The following FREM2 variants were observed in gnomAD, a reference collection of about 807,000 sequenced individuals.
The protein encoded by FREM2 is FRAS1-related extracellular matrix protein 2.
Under a neutral mutation model 219.9 loss-of-function variants are expected in FREM2, and 119 were observed. The observed-to-expected ratio is 0.54, with a 90% CI of 0.47 to 0.63. The LOEUF (loss-of-function observed/expected upper bound fraction) is 0.63. Ranked by LOEUF, FREM2 falls within the 30% of genes least tolerant of loss-of-function variation. The pLI is 0.00. For synonymous variants in FREM2, 1,562 were observed against 1,522.8 expected (o/e 1.03, Z -0.60); for missense variants, 4,030 against 3,993.6 (o/e 1.01, Z -0.25).
chr13:38,883,681 G>A lies in FREM2; in HGVS notation c.*2894G>A, dbSNP rs1453126485. 1.3e-5 allele frequency: 2 copies of A among 152,044 alleles called. No individual in the cohort carries two copies. Among genetic ancestry groups the A allele is most frequent in the African/African-American group, 4.8e-5 (2 of 41,384 alleles). 9.4% of individuals were successfully genotyped at this position (152,044 alleles called of 1,614,324 possible). ...AACCAAGCTCCACTTGCTGTCCTTG[G>A]GAAGGTTATAACTGAATGCAGCTCT... On this transcript the variant is annotated 3_prime_UTR_variant, in exon 24 of 24. Transcript: ENST00000280481.
chr13:38,826,085 A>AGAG (rs1876272873), intron 6 of FREM2, among the ~76,000 whole-genome samples: 1 of 152,116 alleles, frequency 6.6e-6, no homozygotes, highest in African/African-American at 2.4e-5. Flanking sequence ...TTTTTCCTTG[A>AGAG]GAGGAAGCAC....
At chr13:38,764,609 A>T (rs576202299) in intron 3 of FREM2, among the ~76,000 whole-genome samples, 159 bp downstream of exon 3, 1 of 152,354 alleles carries the variant, frequency 6.6e-6, no homozygotes, top group Non-Finnish European at 1.5e-5. Context: ...GTTTGTGTCA[A>T]GGTACTTATC....
At chr13:38,788,147 A>T (rs1158822560) in intron 6 of FREM2, among the ~76,000 whole-genome samples, 1 of 152,150 alleles carries the variant, frequency 6.6e-6, no homozygotes, top group East Asian at 1.9e-4. Context: ...AAATAGCACT[A>T]GCAAAATAAA....
chr13:38,755,601 T>A, intron 2 of FREM2, among the ~76,000 whole-genome samples: 1 of 152,142 alleles, frequency 6.6e-6, no homozygotes, highest in East Asian at 1.9e-4. Context: ...ATGATTAAAC[T>A]TTTCTATAGA....
At chr13:38,727,804 C>A (rs1871591931) in intron 2 of FREM2, among the ~76,000 whole-genome samples, 2 of 149,076 alleles carry the variant, frequency 1.3e-5, no homozygotes, top group Non-Finnish European at 2.9e-5. Context: ...TTGCTTCTGG[C>A]AATATTTCAT....
chr13:38,859,613 T>C lies in FREM2; in HGVS notation c.7519+23T>C, dbSNP rs1003589685. Reference sequence around the variant, plus strand: ...AAGGTCAGTCATTGCCATTTTCCCCTGAAGATCACTGGAATACTGTGCAAT... The same window carrying C: ...AAGGTCAGTCATTGCCATTTTCCCCCGAAGATCACTGGAATACTGTGCAAT... On this transcript the variant is annotated intron_variant, in intron 14 of 23. Coordinates refer to ENST00000280481, the MANE Select transcript of FREM2 (RefSeq NM_207361.6). 3 of 1,601,548 alleles carry C rather than the reference T, an allele frequency of 1.9e-6. No homozygotes were observed. The African/African-American group carries it at 4.0e-5, about 21-fold the overall frequency.
intron 6 of FREM2, among the ~76,000 whole-genome samples, chr13:38,844,200 C>T (rs911977891): frequency 2.6e-5 from 4 of 152,214 alleles, no homozygotes; most frequent in African/African-American, 7.2e-5. Flanking sequence ...CAATAGGCAA[C>T]GTAATAATGT....
In FREM2 at chr13:38,874,491, A is replaced by G. The variant is rs1278998994; in HGVS notation, c.8186A>G (p.Tyr2729Cys). 6.8e-6 allele frequency: 11 copies of G among 1,613,772 alleles called. No homozygotes were observed. Among genetic ancestry groups the G allele is most frequent in the African/African-American group, 4.0e-5 (3 of 74,908 alleles). ...PPEAELQGSL[Y>C]PTSMRIGDEG... is the part of the protein sequence containing the mutation. ...ACTCTCCCCATTATAGGTTCTCTCT[A>G]TCCAACCAGCATGCGCATCGGTGAT... is the stretch of plus-strand genomic sequence containing the variant. The change falls in exon 18 of 24, where the codon TAT (tyrosine) becomes TGT (cysteine). Residue 2729 changes from tyrosine to cysteine, a missense_variant. Physicochemically the swap from Tyr to Cys is radical, Grantham distance 194. Around this residue, in one of 2 missense-constraint regions of FREM2, gnomAD observed 928 missense variants for 1,042.9 expected, o/e 0.89. Transcript: ENST00000280481.
At chr13:38,784,396 G>T (rs1236592592) in intron 5 of FREM2, among the ~76,000 whole-genome samples, 161 bp from the exon 6 acceptor site, 1 of 152,200 alleles carries the variant, frequency 6.6e-6, no homozygotes, top group Non-Finnish European at 1.5e-5. Flanking sequence ...CTCTCAAGTT[G>T]ACTCATGATA....
In FREM2 at chr13:38,833,089, A is replaced by G. The variant is rs139268897; in HGVS notation, c.6020-13484A>G. 6.4e-3 allele frequency among the ~76,000 whole-genome samples: 980 copies of G among 152,254 alleles called. 6 individuals are homozygous for G. Among genetic ancestry groups the G allele is most frequent in the African/African-American group, 0.023 (935 of 41,554 alleles). On this transcript the variant is annotated intron_variant, in intron 6 of 23. Coordinates refer to ENST00000280481, the MANE Select transcript of FREM2 (RefSeq NM_207361.6). Reference sequence around the variant, plus strand: ...TCTCTATTAGTGTCTTTTAACTGCCATTGTCCCCAAGAGCAGCATGTCATA... The same window carrying G: ...TCTCTATTAGTGTCTTTTAACTGCCGTTGTCCCCAAGAGCAGCATGTCATA...
In FREM2 at chr13:38,807,188, GTTATAT is replaced by G. The variant is rs1261758176; in HGVS notation, c.6019+22381_6019+22386del. ...ACCTTTTTGCAGAGATCTTGTCTCT[GTTATAT>G]ATATATATATATATATATATATATA... is the stretch of plus-strand genomic sequence containing the variant. On this transcript the variant is annotated intron_variant, in intron 6 of 23. Transcript: ENST00000280481. Among the ~76,000 whole-genome samples the G allele has an allele frequency of 3.4e-3, 223 of 66,406 alleles. 21 individuals carry two copies. Among genetic ancestry groups the G allele is most frequent in the African/African-American group, 5.6e-3 (128 of 22,900 alleles). 43.6% of individuals were successfully genotyped at this position (66,406 alleles called of 152,430 possible). A position where few individuals can be genotyped will look rare whatever the true frequency, so the allele number is the denominator to read the frequency against.
chr13:38,849,452 T>C (rs938653239), intron 8 of FREM2, among the ~76,000 whole-genome samples: 2 of 152,132 alleles, frequency 1.3e-5, no homozygotes, highest in African/African-American at 4.8e-5. Context: ...TTTAATAATG[T>C]GCCAAAAATG....
intron 2 of FREM2, among the ~76,000 whole-genome samples, chr13:38,714,443 TTG>T (rs900302563): frequency 6.6e-6 from 1 of 152,190 alleles, no homozygotes; most frequent in African/African-American, 2.4e-5. Flanking sequence ...TGTATAAAAG[TTG>T]TGAGACTGAG....
chr13:38,702,889 T>C (rs980446963), intron 2 of FREM2, among the ~76,000 whole-genome samples: 5 of 152,088 alleles, frequency 3.3e-5, no homozygotes, highest in Admixed American at 1.3e-4. Context: ...CAGCCAGACA[T>C]TTTTTTGCTG....
intron 2 of FREM2, among the ~76,000 whole-genome samples, chr13:38,729,345 C>G (rs1316914535): frequency 6.6e-6 from 1 of 152,058 alleles, no homozygotes; most frequent in Non-Finnish European, 1.5e-5. Context: ...TGAGATAACA[C>G]AATAAGAACT....
intron 6 of FREM2, among the ~76,000 whole-genome samples, chr13:38,807,194 T>TATATATATATAC (rs1875270453): frequency 1.3e-5 from 1 of 77,840 alleles, no homozygotes; most frequent in African/African-American, 6.7e-5. Flanking sequence ...CTCTGTTATA[T>TATATATATATAC]ATATATATAT....
At chr13:38,763,298 T>C (rs1873303974) in intron 2 of FREM2, among the ~76,000 whole-genome samples, 1 of 152,184 alleles carries the variant, frequency 6.6e-6, no homozygotes, top group African/African-American at 2.4e-5. Context: ...CAAAGATGAA[T>C]GTATTTTCAT....
At chr13:38,725,019 A>G (rs1227933181) in intron 2 of FREM2, among the ~76,000 whole-genome samples, 2 of 152,222 alleles carry the variant, frequency 1.3e-5, no homozygotes, top group African/African-American at 4.8e-5. Flanking sequence ...AATGTAAATT[A>G]TATTTGTTTT....
At chr13:38,845,688 A>G (rs2137905671) in intron 6 of FREM2, among the ~76,000 whole-genome samples, 1 of 152,220 alleles carries the variant, frequency 6.6e-6, no homozygotes, top group Admixed American at 6.5e-5. Flanking sequence ...ATTTTTTTTT[A>G]CAGTAAGATC....
Sources: gnomAD v4.1 joint callset for allele counts (sites outside exome capture counted in the v4.1 genomes callset) on GRCh38, gnomAD v4.1.1 for gene constraint, gnomAD v4.1.1 regional missense constraint, MANE v1.5 for transcripts, NCBI Gene and HGNC (gene_info 2026-07-23, HGNC 2026-07-21) for gene names.